Variants in ERC2 observed in about 807,000 individuals in gnomAD.
The protein encoded by ERC2 is ERC protein 2.
Under a neutral mutation model 114.8 loss-of-function variants are expected in ERC2, and 42 were observed. The ratio of observed to expected loss-of-function variants is 0.37; its 90% CI spans 0.29 to 0.47. The LOEUF (loss-of-function observed/expected upper bound fraction) is 0.47, where lower values mean the gene tolerates loss of function less well. ERC2 is among the 20% of genes least tolerant of loss of function. The probability of loss-of-function intolerance (pLI) is 0.99; values close to 1 mark genes in which losing one functional copy is unlikely to be tolerated. For synonymous variants in ERC2, 454 were observed against 425.5 expected, an observed-to-expected ratio of 1.07 and a Z score of -0.82; for missense variants, 939 against 1,150.7, an observed-to-expected ratio of 0.82 and a Z score of 2.66.
chr3:56,236,234 G>C lies in ERC2; in HGVS notation c.1074+59785C>G, dbSNP rs574959883. On this transcript the variant is annotated intron_variant, in intron 3 of 17. Transcript: ENST00000288221. ...TTGGTCAGCACATAGCTGAGCAATA[G>C]AGGGCTGCATATAGATTTGGAGCTT... Among the ~76,000 whole-genome samples, 4 of 152,144 alleles carry C rather than the reference G, an allele frequency of 2.6e-5. No homozygotes were observed. In the South Asian group the frequency reaches 8.3e-4, roughly 32 times the overall value.
chr3:55,584,184 G>A (rs2057473616), intron 17 of ERC2, among the ~76,000 whole-genome samples: 1 of 152,174 alleles, frequency 6.6e-6, no homozygotes, highest in Admixed American at 6.5e-5. Flanking sequence ...TTGGTGAAGA[G>A]CTTAGGCCCT....
At chr3:55,768,190 T>C (rs759954400) in intron 14 of ERC2, among the ~76,000 whole-genome samples, 1 of 152,240 alleles carries the variant, frequency 6.6e-6, no homozygotes, top group Non-Finnish European at 1.5e-5. Flanking sequence ...CTCTTTTCTG[T>C]ATAAATTACC....
intron 13 of ERC2, among the ~76,000 whole-genome samples, chr3:55,903,652 G>A (rs1279568384): frequency 6.6e-6 from 1 of 152,154 alleles, no homozygotes; most frequent in Non-Finnish European, 1.5e-5. Flanking sequence ...ATTTTGATGG[G>A]TCACATTCAG....
At chr3:55,550,819 A>T (rs185665206) in intron 17 of ERC2, among the ~76,000 whole-genome samples, 9,877 of 152,144 alleles carry the variant, frequency 0.065, 490 homozygotes, top group African/African-American at 0.14. Flanking sequence ...GATCGAGACC[A>T]TCCTGGCTAA....
At chr3:56,436,001 G>A (rs1280788926) in intron 1 of ERC2, among the ~76,000 whole-genome samples, 3 of 152,174 alleles carry the variant, frequency 2.0e-5, no homozygotes, top group Non-Finnish European at 4.4e-5. Context: ...TTCCCATCAC[G>A]GTTACTGAAG....
intron 13 of ERC2, among the ~76,000 whole-genome samples, chr3:55,901,439 T>C (rs2064132677): frequency 1.3e-5 from 2 of 152,154 alleles, no homozygotes; most frequent in Non-Finnish European, 2.9e-5. Context: ...TGAAAGATTA[T>C]TCAATTCCTT....
At chr3:55,970,865 T>C (rs2069106917) in intron 12 of ERC2, among the ~76,000 whole-genome samples, 2 of 152,148 alleles carry the variant, frequency 1.3e-5, no homozygotes, top group South Asian at 4.1e-4. Flanking sequence ...TGAAAACATA[T>C]ATTCAAACAA....
At chr3:55,991,653 T>C (rs1559984947) in intron 11 of ERC2, among the ~76,000 whole-genome samples, 1 of 152,212 alleles carries the variant, frequency 6.6e-6, no homozygotes, top group Non-Finnish European at 1.5e-5. Flanking sequence ...CCCAACTATA[T>C]TCTTCGGTTT....
intron 7 of ERC2, among the ~76,000 whole-genome samples, chr3:56,056,807 G>A (rs2076033739): frequency 6.6e-6 from 1 of 152,174 alleles, no homozygotes; most frequent in Non-Finnish European, 1.5e-5. Flanking sequence ...TGGAATGAAT[G>A]AAGACACCTT....
intron 12 of ERC2, among the ~76,000 whole-genome samples, chr3:55,985,515 A>G (rs928805915): frequency 6.6e-6 from 1 of 152,254 alleles, no homozygotes; most frequent in Non-Finnish European, 1.5e-5. Flanking sequence ...TTCAGAACAC[A>G]GTGATTTATT....
chr3:55,681,519 G>A (rs958250620), intron 17 of ERC2, among the ~76,000 whole-genome samples: 7 of 152,176 alleles, frequency 4.6e-5, no homozygotes, highest in Admixed American at 1.3e-4. Context: ...AACATGCAAC[G>A]GCTGCTCAAA....
chr3:56,085,703 G>A (rs1419559187), intron 6 of ERC2, among the ~76,000 whole-genome samples: 2 of 152,164 alleles, frequency 1.3e-5, no homozygotes, highest in African/African-American at 4.8e-5. Flanking sequence ...TGATTTTTGA[G>A]TTTATGCACA....
intron 12 of ERC2, among the ~76,000 whole-genome samples, chr3:55,962,464 A>G (rs1323935871): frequency 6.6e-6 from 1 of 152,246 alleles, no homozygotes; most frequent in Non-Finnish European, 1.5e-5. Context: ...ACTGTGTTCC[A>G]ATAAAACTTT....
chr3:55,640,142 C>A (rs1360842429), intron 17 of ERC2, among the ~76,000 whole-genome samples: 1 of 152,164 alleles, frequency 6.6e-6, no homozygotes, highest in Non-Finnish European at 1.5e-5. Context: ...TGTGTTAGTG[C>A]AGCCACACCC....
chr3:56,234,126 A>G (rs866253093), intron 3 of ERC2, among the ~76,000 whole-genome samples: 1 of 152,202 alleles, frequency 6.6e-6, no homozygotes, highest in Admixed American at 6.5e-5. Context: ...AACAACAACA[A>G]TAATAGGAAT....
intron 2 of ERC2, among the ~76,000 whole-genome samples, chr3:56,314,879 ACTCTTTCCTG>A (rs2056789298): frequency 6.6e-6 from 1 of 151,476 alleles, no homozygotes. Context: ...TCAGCACAAA[ACTCTTTCCTG>A]CTCTTTCCCT....
intron 7 of ERC2, among the ~76,000 whole-genome samples, chr3:56,024,331 A>T: frequency 6.6e-6 from 1 of 152,240 alleles, no homozygotes; most frequent in Non-Finnish European, 1.5e-5. Context: ...GCTCTGTCCC[A>T]CTCGTTCTCT....
chr3:56,003,075 C>T lies in ERC2; in HGVS notation c.2061+4106G>A, dbSNP rs562530576. On this transcript the variant is annotated intron_variant, in intron 10 of 17. Coordinates refer to ENST00000288221, the MANE Select transcript of ERC2 (RefSeq NM_015576.3). The stretch of plus-strand genomic sequence containing the variant: ...ATCCTCATGCTTTGATATGTTACAG[C>T]GGGAACTTTCAGAAATGACTTACTG... 66 of 1,287,514 alleles carry T rather than the reference C, an allele frequency of 5.1e-5. No individual in the cohort carries two copies. In the Admixed American group the frequency reaches 6.4e-4, roughly 13 times the overall value. 79.8% of individuals were successfully genotyped at this position (1,287,514 alleles called of 1,614,324 possible).
chr3:55,532,944 AAAAC>A (rs1340112293), intron 17 of ERC2, among the ~76,000 whole-genome samples: 17 of 152,358 alleles, frequency 1.1e-4, no homozygotes, highest in Admixed American at 5.9e-4. Context: ...GAACAGGAAA[AAAAC>A]AAACAAACAA....
Sources: allele counts gnomAD v4.1 joint callset (sites outside exome capture counted in the v4.1 genomes callset), GRCh38; gene constraint gnomAD v4.1.1; transcripts MANE v1.5; gene names NCBI Gene and HGNC (gene_info 2026-07-23, HGNC 2026-07-21).